Variants in PEA15 observed in about 807,000 individuals in gnomAD.
PEA15 encodes the protein astrocytic phosphoprotein PEA-15.
For missense variants in PEA15, 77 were observed against 161.3 expected, an observed-to-expected ratio of 0.48 and a Z score of 2.83; for synonymous variants, 60 against 61.8, an observed-to-expected ratio of 0.97 and a Z score of 0.13.
In PEA15 at chr1:160,205,405, GGCGGCGGCGGCAGAA is replaced by G. The variant is rs1395841688; in HGVS notation, c.-108_-94del. The G allele has an allele frequency of 5.6e-5, 10 of 178,592 alleles. No individual in the cohort carries two copies. The highest frequency in any genetic ancestry group is 3.6e-4 in the South Asian group (3 of 8,338). 11.1% of individuals were successfully genotyped at this position (178,592 alleles called of 1,614,324 possible). ...CTCCGGCTCCGCGGGCGGAAGAGGC[GGCGGCGGCGGCAGAA>G]GCGGCGGCGGCGGCGGCGGGAGCCG... On this transcript the variant is annotated 5_prime_UTR_variant, in exon 1 of 4. Transcript: ENST00000360472. This position sits in a 1 kb window ranked among gnomAD's most constrained non-coding sequence, Gnocchi z 5.9.
At chr1:160,211,207 A>G (rs1469759280) in intron 1 of PEA15, 2 of 786,722 alleles carry the variant, frequency 2.5e-6, no homozygotes, top group Non-Finnish European at 3.1e-6. Flanking sequence ...GCGGGTGAGA[A>G]AGTCGGGAGC....
chr1:160,205,985 A>T lies in PEA15; in HGVS notation c.-3+463A>T, dbSNP rs1416939667. ...GGTGGGCTTGGCGGAAAGCTTGTCCAGAGGGAAGGAGGAGCTGGGGGTGTA... is the reference window on the plus strand; with the variant it reads ...GGTGGGCTTGGCGGAAAGCTTGTCCTGAGGGAAGGAGGAGCTGGGGGTGTA... On this transcript the variant is annotated intron_variant, in intron 1 of 3. Transcript: ENST00000360472. The surrounding 1 kb of genome is among the most constrained non-coding windows in gnomAD (Gnocchi z 5.9). 2 of 152,372 alleles carry T rather than the reference A, an allele frequency of 1.3e-5. No individual in the cohort carries two copies. Among genetic ancestry groups the T allele is most frequent in the South Asian group, 4.1e-4 (2 of 4,830 alleles). 9.4% of individuals were successfully genotyped at this position (152,372 alleles called of 1,614,324 possible).
chr1:160,206,686 G>A (rs1654605803), intron 1 of PEA15, among the ~76,000 whole-genome samples: 1 of 152,126 alleles, frequency 6.6e-6, no homozygotes, highest in African/African-American at 2.4e-5. Context: ...AGATAGTCAG[G>A]GAACCAGGGA....
rs17847309 is a variant in PEA15 at position 160,213,923 on chromosome 1, C to G, written c.*437C>G. The G allele has an allele frequency of 0.014, 2,565 of 186,204 alleles. 65 individuals are homozygous for G. The highest frequency in any genetic ancestry group is 0.048 in the African/African-American group (2,053 of 42,460). The allele number at this position is 186,204 out of a possible 1,614,324, so 11.5% of individuals were successfully genotyped here. ...TGGATCCAGGGAAAAGCAGTGGGGA[C>G]GGAAGGCAAAGAGACCACTCAACCC... On this transcript the variant is annotated 3_prime_UTR_variant, in exon 4 of 4. Coordinates refer to ENST00000360472, the MANE Select transcript of PEA15 (RefSeq NM_003768.5). This position sits in a 1 kb window ranked among gnomAD's most constrained non-coding sequence, Gnocchi z 5.3.
chr1:160,208,329 AG>A lies in PEA15; in HGVS notation c.-3+2809del. ...GGGCTGTGCCTGGGGCCAGCTTGGAAGGAGAGGGAGGCAGGAAGGAAGGAAG... is the reference window on the plus strand; with the variant it reads ...GGGCTGTGCCTGGGGCCAGCTTGGAAGAGAGGGAGGCAGGAAGGAAGGAAG... On this transcript the variant is annotated intron_variant, in intron 1 of 3. Coordinates refer to ENST00000360472, the MANE Select transcript of PEA15 (RefSeq NM_003768.5). This position sits in a 1 kb window ranked among gnomAD's most constrained non-coding sequence, Gnocchi z 4.1. 1 of 460,906 alleles carries A rather than the reference AG, an allele frequency of 2.2e-6. No individual in the cohort carries two copies. The highest frequency in any genetic ancestry group is 4.0e-6 in the Non-Finnish European group (1 of 251,442). 28.6% of individuals were successfully genotyped at this position (460,906 alleles called of 1,614,324 possible).
Position 160,208,581 on chromosome 1 carries a change from T to G in PEA15, c.-2-2962T>G. 2 of 1,548,826 alleles carry G rather than the reference T, an allele frequency of 1.3e-6. No individual in the cohort carries two copies. The highest frequency in any genetic ancestry group is 1.7e-6 in the Non-Finnish European group (2 of 1,145,390). On this transcript the variant is annotated intron_variant, in intron 1 of 3. Coordinates refer to ENST00000360472, the MANE Select transcript of PEA15 (RefSeq NM_003768.5). This position sits in a 1 kb window ranked among gnomAD's most constrained non-coding sequence, Gnocchi z 4.1. The stretch of plus-strand genomic sequence containing the variant: ...TTTCTCCACGAGCCCTAAGGAAATC[T>G]GAATCTCTGGTGAGGAAAGTGACAT...
In PEA15 at chr1:160,213,583, CACTT is replaced by C. The variant is rs1191381161; in HGVS notation, c.*101_*104del. On this transcript the variant is annotated 3_prime_UTR_variant, in exon 4 of 4. Coordinates refer to ENST00000360472, the MANE Select transcript of PEA15 (RefSeq NM_003768.5). The surrounding 1 kb of genome is among the most constrained non-coding windows in gnomAD (Gnocchi z 5.3). ...GGGCAAGGGCAACCCACCATCTACC[CACTT>C]ACTAACCTGGTCCTAACCCCCTTAC... The C allele has an allele frequency of 7.7e-6, 8 of 1,034,636 alleles. No individual in the cohort carries two copies. The highest frequency in any genetic ancestry group is 1.2e-5 in the Non-Finnish European group (8 of 665,174). The allele number at this position is 1,034,636 out of a possible 1,614,324, so 64.1% of individuals were successfully genotyped here. A position where few individuals can be genotyped will look rare whatever the true frequency, so the allele number is the denominator to read the frequency against.
At chr1:160,211,322 T>A in intron 1 of PEA15, 2 of 1,239,114 alleles carry the variant, frequency 1.6e-6, no homozygotes, top group Non-Finnish European at 2.0e-6. Context: ...GAGGTATGAC[T>A]TGTCACTCTA....
Position 160,208,475 on chromosome 1 carries a change from C to T in PEA15, c.-3+2953C>T, listed in dbSNP as rs991997784. 54 of 829,948 alleles carry T rather than the reference C, an allele frequency of 6.5e-5. No individual in the cohort carries two copies. Among genetic ancestry groups the T allele is most frequent in the Admixed American group, 2.2e-4 (10 of 45,898 alleles). The allele number at this position is 829,948 out of a possible 1,614,324, so 51.4% of individuals were successfully genotyped here. On this transcript the variant is annotated intron_variant, in intron 1 of 3. Transcript: ENST00000360472. The surrounding 1 kb of genome is among the most constrained non-coding windows in gnomAD (Gnocchi z 4.1). ...TATCCTGTCCCAAGAATGGCCTCCG[C>T]CCAGACTGCCTGGTGATCCCTGAGC...
chr1:160,207,174 TG>T (rs1654635712), intron 1 of PEA15: 1 of 152,636 alleles, frequency 6.6e-6, no homozygotes, highest in Admixed American at 6.5e-5. Context: ...AATATTCAGA[TG>T]GGGACAGTGA....
chr1:160,213,571 C>G lies in PEA15; in HGVS notation c.*85C>G. On this transcript the variant is annotated 3_prime_UTR_variant, in exon 4 of 4. Coordinates refer to ENST00000360472, the MANE Select transcript of PEA15 (RefSeq NM_003768.5). This position sits in a 1 kb window ranked among gnomAD's most constrained non-coding sequence, Gnocchi z 5.3. The stretch of plus-strand genomic sequence containing the variant: ...CTCCAGGAGAGGGGGCAAGGGCAAC[C>G]CACCATCTACCCACTTACTAACCTG... 8.6e-7 allele frequency: 1 copy of G among 1,157,994 alleles called. No individual in the cohort carries two copies. The allele number at this position is 1,157,994 out of a possible 1,614,324, so 71.7% of individuals were successfully genotyped here. A position where few individuals can be genotyped will look rare whatever the true frequency, so the allele number is the denominator to read the frequency against.
chr1:160,209,731 C>T (rs1054738120), intron 1 of PEA15, among the ~76,000 whole-genome samples: 5 of 152,102 alleles, frequency 3.3e-5, no homozygotes, highest in African/African-American at 1.2e-4. Context: ...GTACTCATGC[C>T]CCCCTACTCA....
Position 160,205,425 on chromosome 1 carries a change from C to CGGT in PEA15, c.-98_-97insTGG, listed in dbSNP as rs1349514434. 2 of 188,580 alleles carry CGGT rather than the reference C, an allele frequency of 1.1e-5. No homozygotes were observed. The highest frequency in any genetic ancestry group is 2.4e-5 in the African/African-American group (1 of 41,736). 11.7% of individuals were successfully genotyped at this position (188,580 alleles called of 1,614,324 possible). A position where few individuals can be genotyped will look rare whatever the true frequency, so the allele number is the denominator to read the frequency against. On this transcript the variant is annotated 5_prime_UTR_variant, in exon 1 of 4. Transcript: ENST00000360472. This position sits in a 1 kb window ranked among gnomAD's most constrained non-coding sequence, Gnocchi z 5.9. ...GAGGCGGCGGCGGCGGCAGAAGCGG[C>CGGT]GGCGGCGGCGGCGGGAGCCGAGGAG...
chr1:160,211,476 C>A, intron 1 of PEA15, 67 bp from the exon 2 acceptor site: 3 of 1,482,874 alleles, frequency 2.0e-6, no homozygotes, highest in South Asian at 2.8e-5. Flanking sequence ...GAGGGTAGTG[C>A]CAGTGAGTAA....
At position 160,208,942 on chromosome 1, in the gene PEA15, TACA is replaced by T; in HGVS notation, c.-2-2600_-2-2598del. 1 of 457,672 alleles carries T rather than the reference TACA, an allele frequency of 2.2e-6. No individual in the cohort carries two copies. Among genetic ancestry groups the T allele is most frequent in the Non-Finnish European group, 4.0e-6 (1 of 250,610 alleles). 28.4% of individuals were successfully genotyped at this position (457,672 alleles called of 1,614,324 possible). ...GCTATAGTAACAGATGAGATGAGGCTACAGCCTTCTATAGTTGTGGACTGTATG... is the reference window on the plus strand; with the variant it reads ...GCTATAGTAACAGATGAGATGAGGCTGCCTTCTATAGTTGTGGACTGTATG... On this transcript the variant is annotated intron_variant, in intron 1 of 3. Coordinates refer to ENST00000360472, the MANE Select transcript of PEA15 (RefSeq NM_003768.5). The surrounding 1 kb of genome is among the most constrained non-coding windows in gnomAD (Gnocchi z 4.1).
At chr1:160,206,721 T>C (rs1416839741) in intron 1 of PEA15, among the ~76,000 whole-genome samples, 1 of 151,722 alleles carries the variant, frequency 6.6e-6, no homozygotes, top group Non-Finnish European at 1.5e-5. Context: ...GAGAAAGAGA[T>C]GGTCAGAGAA....
Position 160,213,639 on chromosome 1 carries a change from C to A in PEA15, c.*153C>A. The A allele has an allele frequency of 2.4e-6, 1 of 420,934 alleles. No individual in the cohort carries two copies. The highest frequency in any genetic ancestry group is 4.5e-6 in the Non-Finnish European group (1 of 222,818). The allele number at this position is 420,934 out of a possible 1,614,324, so 26.1% of individuals were successfully genotyped here. A position where few individuals can be genotyped will look rare whatever the true frequency, so the allele number is the denominator to read the frequency against. ...GTGCGCGTGTGTGTGCGTGTGCGCA[C>A]GCTCTGGCTGTTTGTCTATATGTCT... On this transcript the variant is annotated 3_prime_UTR_variant, in exon 4 of 4. Transcript: ENST00000360472. The surrounding 1 kb of genome is among the most constrained non-coding windows in gnomAD (Gnocchi z 5.3).
intron 1 of PEA15, among the ~76,000 whole-genome samples, chr1:160,207,727 A>G (rs1654663054): frequency 6.6e-6 from 1 of 152,012 alleles, no homozygotes; most frequent in South Asian, 2.1e-4. Context: ...TAAAGAAGAA[A>G]TTAATTGAGA....
chr1:160,205,944 C>T lies in PEA15; in HGVS notation c.-3+422C>T, dbSNP rs1329555781. 2.0e-5 allele frequency: 3 copies of T among 152,270 alleles called. No homozygotes were observed. The highest frequency in any genetic ancestry group is 7.2e-5 in the African/African-American group (3 of 41,464). The allele number at this position is 152,270 out of a possible 1,614,324, so 9.4% of individuals were successfully genotyped here. On this transcript the variant is annotated intron_variant, in intron 1 of 3. Coordinates refer to ENST00000360472, the MANE Select transcript of PEA15 (RefSeq NM_003768.5). The surrounding 1 kb of genome is among the most constrained non-coding windows in gnomAD (Gnocchi z 5.9). The stretch of plus-strand genomic sequence containing the variant: ...ACCATGTGCCCTCACCCCCAGCTCA[C>T]TGCACCTGGGGAAGAGGTGGGCTTG...
Sources: gnomAD v4.1 joint callset for allele counts (sites outside exome capture counted in the v4.1 genomes callset) on GRCh38, gnomAD v4.1.1 for gene constraint, Gnocchi (gnomAD v3.1) non-coding constraint, MANE v1.5 for transcripts, NCBI Gene and HGNC (gene_info 2026-07-23, HGNC 2026-07-21) for gene names.